The following PCDHGA4 variants were observed in gnomAD, a reference collection of about 807,000 sequenced individuals.
PCDHGA4 encodes protocadherin gamma-A4.
A neutral mutation model predicts 54.6 loss-of-function variants in PCDHGA4; 38 were observed. That is an observed-to-expected ratio of 0.70 (90% CI 0.54 to 0.91). PCDHGA4 has a LOEUF of 0.91. Ranked by LOEUF, PCDHGA4 falls within the 40% of genes least tolerant of loss-of-function variation. The pLI, the probability that PCDHGA4 is intolerant of heterozygous loss-of-function variation, is 0.00. For synonymous variants in PCDHGA4, 511 were observed against 512.9 expected, an observed-to-expected ratio of 1.00 and a Z score of 0.05; for missense variants, 1,298 against 1,220.9, an observed-to-expected ratio of 1.06 and a Z score of -0.94.
At position 141,405,002 on chromosome 5, in the gene PCDHGA4, C is replaced by T. The variant is rs2154535993; in HGVS notation, c.2514+47381C>T. ...GGGCAGTCTTCAGATCCCTGCAGAC[C>T]TGGAGGCCTCAGACCTTACCCTCTA... is the stretch of plus-strand genomic sequence containing the variant. On this transcript the variant is annotated intron_variant, in intron 1 of 3. Transcript: ENST00000571252. The T allele has an allele frequency of 1.9e-6, 3 of 1,613,870 alleles. No homozygotes were observed. In the East Asian group the frequency reaches 6.7e-5, roughly 36 times the overall value.
intron 1 of PCDHGA4, among the ~76,000 whole-genome samples, chr5:141,482,755 T>TGAAGTGGGAGAATTGCTTGAGCCTGGG (rs1554165462): frequency 6.3e-5 from 9 of 143,570 alleles, no homozygotes; most frequent in African/African-American, 1.4e-4. Context: ...GGGATTATGG[T>TGAAGTGGGAGAATTGCTTGAGCCTGGG]ATTTCATTAT....
intron 1 of PCDHGA4, among the ~76,000 whole-genome samples, chr5:141,436,515 G>A (rs1393437693): frequency 6.6e-6 from 1 of 152,160 alleles, no homozygotes; most frequent in Non-Finnish European, 1.5e-5. Context: ...ATTGTTAACT[G>A]TGTCACCTTT....
Position 141,512,931 on chromosome 5 carries a change from C to T in PCDHGA4, c.*1758C>T, listed in dbSNP as rs2099884512. On this transcript the variant is annotated 3_prime_UTR_variant, in exon 4 of 4. Transcript: ENST00000571252. ...GTTTTATACTCTAATATTTATATGG[C>T]TTTTTTTCTTCGACAAAAAAATAAT... The T allele has an allele frequency of 6.6e-6, 1 of 152,006 alleles. No homozygotes were observed. The highest frequency in any genetic ancestry group is 2.4e-5 in the African/African-American group (1 of 41,414). The allele number at this position is 152,006 out of a possible 1,614,324, so 9.4% of individuals were successfully genotyped here.
intron 2 of PCDHGA4, among the ~76,000 whole-genome samples, chr5:141,498,371 C>T (rs188547878): frequency 6.6e-6 from 1 of 151,838 alleles, no homozygotes; most frequent in Admixed American, 6.6e-5. Flanking sequence ...TGTGGTGAGG[C>T]CTCCTGGGAT....
rs913767837 is a variant in PCDHGA4, at chr5:141,491,909, C to T, written c.2515-2898C>T. 8.5e-6 allele frequency: 12 copies of T among 1,403,834 alleles called. No individual in the cohort carries two copies. Among genetic ancestry groups the T allele is most frequent in the Non-Finnish European group, 1.1e-5 (12 of 1,057,326 alleles). 87.0% of individuals were successfully genotyped at this position (1,403,834 alleles called of 1,614,324 possible). A position where few individuals can be genotyped will look rare whatever the true frequency, so the allele number is the denominator to read the frequency against. Reference sequence around the variant, plus strand: ...GGGCTCCGAGCACCGGGGGTGGTGGCGACTGTGGGCGAGGGGAGGTGGGAC... The same window carrying T: ...GGGCTCCGAGCACCGGGGGTGGTGGTGACTGTGGGCGAGGGGAGGTGGGAC... On this transcript the variant is annotated intron_variant, in intron 1 of 3. Transcript: ENST00000571252. The surrounding 1 kb of genome is among the most constrained non-coding windows in gnomAD (Gnocchi z 6.9).
At chr5:141,463,493 G>C (rs2099061978) in intron 1 of PCDHGA4, among the ~76,000 whole-genome samples, 1 of 128,844 alleles carries the variant, frequency 7.8e-6, no homozygotes, top group Admixed American at 9.6e-5. Flanking sequence ...CTGTCACCCA[G>C]GCTGGAGTGA....
chr5:141,413,441 T>C (rs760538286), intron 1 of PCDHGA4: 1 of 1,614,056 alleles, frequency 6.2e-7, no homozygotes, highest in Non-Finnish European at 8.5e-7. Flanking sequence ...GGCAGCTTGA[T>C]CACCGCGGGC....
At chr5:141,465,833 T>A (rs2099110537) in intron 1 of PCDHGA4, among the ~76,000 whole-genome samples, 1 of 152,002 alleles carries the variant, frequency 6.6e-6, no homozygotes, top group Non-Finnish European at 1.5e-5. Context: ...GTTTAAAATT[T>A]CAACTGAGGC....
At chr5:141,361,658 G>T in intron 1 of PCDHGA4, 1 of 1,613,762 alleles carries the variant, frequency 6.2e-7, no homozygotes, top group African/African-American at 1.3e-5. Context: ...GTGTCCGTGA[G>T]CGCGCAGAGC....
intron 1 of PCDHGA4, chr5:141,420,181 T>C (rs1590216182): frequency 6.2e-7 from 1 of 1,613,998 alleles, no homozygotes; most frequent in Non-Finnish European, 8.5e-7. Context: ...TTGATCATTG[T>C]CCAGCCACAC....
At chr5:141,395,077 A>C (rs2093162583) in intron 1 of PCDHGA4, 1 of 1,614,024 alleles carries the variant, frequency 6.2e-7, no homozygotes, top group South Asian at 1.1e-5. Context: ...ACCTATTCCC[A>C]GGAAGTCTCC....
At chr5:141,464,861 C>G (rs1178430383) in intron 1 of PCDHGA4, among the ~76,000 whole-genome samples, 1 of 152,134 alleles carries the variant, frequency 6.6e-6, no homozygotes, top group Non-Finnish European at 1.5e-5. Flanking sequence ...ACCTTAGCCT[C>G]CCAAGTAGCT....
Position 141,384,796 on chromosome 5 carries a change from C to A in PCDHGA4, c.2514+27175C>A, listed in dbSNP as rs1182973938. 1 of 1,613,330 alleles carries A rather than the reference C, an allele frequency of 6.2e-7. No homozygotes were observed. Among genetic ancestry groups the A allele is most frequent in the African/African-American group, 1.3e-5 (1 of 74,956 alleles). ...CGAGGTGCGCACGGCTCGGGCCCTG[C>A]TGGACAGAGATGCCCTCAAGCAGAG... is the stretch of plus-strand genomic sequence containing the variant. On this transcript the variant is annotated intron_variant, in intron 1 of 3. Coordinates refer to ENST00000571252, the MANE Select transcript of PCDHGA4 (RefSeq NM_018917.4).
intron 2 of PCDHGA4, among the ~76,000 whole-genome samples, chr5:141,504,280 C>T (rs1027657223): frequency 6.6e-6 from 1 of 152,076 alleles, no homozygotes; most frequent in Admixed American, 6.6e-5. Context: ...AATTATGAAT[C>T]ATTTCATGTT....
At chr5:141,475,583 G>A (rs1181419200) in intron 1 of PCDHGA4, among the ~76,000 whole-genome samples, 1 of 152,198 alleles carries the variant, frequency 6.6e-6, no homozygotes, top group Non-Finnish European at 1.5e-5. Context: ...CAGATTTGTT[G>A]GTGTTTTTCC....
In PCDHGA4 at chr5:141,361,360, G is replaced by C. The variant is rs772255956; in HGVS notation, c.2514+3739G>C. On this transcript the variant is annotated intron_variant, in intron 1 of 3. Transcript: ENST00000571252. ...CTATTACAAACTAGTGACAGACGGC[G>C]CTCTGGACCGGGAGGAGATCCCAGA... is the stretch of plus-strand genomic sequence containing the variant. 1.2e-5 allele frequency: 20 copies of C among 1,613,944 alleles called. No homozygotes were observed. The highest frequency in any genetic ancestry group is 1.7e-5 in the Non-Finnish European group (20 of 1,179,886).
intron 1 of PCDHGA4, among the ~76,000 whole-genome samples, chr5:141,465,505 G>A (rs905617997): frequency 6.6e-6 from 1 of 152,190 alleles, no homozygotes; most frequent in Non-Finnish European, 1.5e-5. Flanking sequence ...CATTGTCGTG[G>A]TCAGGAAGGA....
intron 1 of PCDHGA4, chr5:141,426,767 A>C (rs1219028777): frequency 2.2e-6 from 1 of 456,666 alleles, no homozygotes. Flanking sequence ...ATGCAGATGT[A>C]GGGCCTCACT....
At position 141,389,973 on chromosome 5, in the gene PCDHGA4, A is replaced by C. The variant is rs375422602; in HGVS notation, c.2514+32352A>C. On this transcript the variant is annotated intron_variant, in intron 1 of 3. Coordinates refer to ENST00000571252, the MANE Select transcript of PCDHGA4 (RefSeq NM_018917.4). Reference sequence around the variant, plus strand: ...TTACCTAGTGGTGGCCTTGGCCTTGATCTCAGTGCTCTTCCTCGTGGCCAT... The same window carrying C: ...TTACCTAGTGGTGGCCTTGGCCTTGCTCTCAGTGCTCTTCCTCGTGGCCAT... 82 of 1,613,684 alleles carry C rather than the reference A, an allele frequency of 5.1e-5. No homozygotes were observed. The highest frequency in any genetic ancestry group is 6.5e-5 in the Non-Finnish European group (77 of 1,179,850).
Sources: allele counts gnomAD v4.1 joint callset (sites outside exome capture counted in the v4.1 genomes callset), GRCh38; gene constraint gnomAD v4.1.1; non-coding constraint Gnocchi (gnomAD v3.1); transcripts MANE v1.5; gene names NCBI Gene and HGNC (gene_info 2026-07-23, HGNC 2026-07-21).